The following ANKRD17 variants were observed in gnomAD, a reference collection of about 807,000 sequenced individuals.
ANKRD17 encodes ankyrin repeat domain 17.
ANKRD17 carries 19 observed loss-of-function variants against 229.7 expected under a neutral mutation model. The ratio of observed to expected loss-of-function variants is 0.08; its 90% CI spans 0.06 to 0.12. The LOEUF is 0.12. Ranked by LOEUF, ANKRD17 falls within the 10% of genes least tolerant of loss-of-function variation. The pLI is 1.00. For synonymous variants in ANKRD17, 1,112 were observed against 1,146.1 expected, an observed-to-expected ratio of 0.97 and a Z score of 0.60; for missense variants, 2,176 against 3,176.8, an observed-to-expected ratio of 0.68 and a Z score of 7.57.
chr4:73,123,692 G>C (rs755480740), intron 18 of ANKRD17, among the ~76,000 whole-genome samples: 1 of 151,640 alleles, frequency 6.6e-6, no homozygotes, highest in Non-Finnish European at 1.5e-5. Flanking sequence ...CCATTCTTTT[G>C]TATAGGAATT....
chr4:73,200,770 G>A (rs375035145), intron 1 of ANKRD17, among the ~76,000 whole-genome samples: 16 of 152,000 alleles, frequency 1.1e-4, no homozygotes, highest in East Asian at 3.9e-4. Context: ...TTAAACAAAT[G>A]CTTATCAAAA....
At chr4:73,241,133 G>A (rs1198635493) in intron 1 of ANKRD17, among the ~76,000 whole-genome samples, 1 of 151,966 alleles carries the variant, frequency 6.6e-6, no homozygotes, top group African/African-American at 2.4e-5. Flanking sequence ...TTATAAAGAT[G>A]TATATACTGA....
chr4:73,094,105 C>T lies in ANKRD17; in HGVS notation c.5301G>A (p.Lys1767=), dbSNP rs760800314. ...AHIDIDKQKD[K]TGDRIITIRG... is the part of the protein sequence containing the mutation. The stretch of plus-strand genomic sequence containing the variant: ...TTATAGTGATTATCCGGTCTCCAGT[C>T]TTGTCTTTCTGTTTATCAATATCTA... The change falls in exon 28 of 34, where the codon AAG becomes AAA. Residue 1767 remains lysine, a synonymous_variant. Transcript: ENST00000358602. 2 of 1,613,698 alleles carry T rather than the reference C, an allele frequency of 1.2e-6. No individual in the cohort carries two copies. The highest frequency in any genetic ancestry group is 1.7e-6 in the Non-Finnish European group (2 of 1,179,790).
intron 12 of ANKRD17, 54 bp downstream of exon 12, chr4:73,142,586 G>A (rs1729750413): frequency 9.3e-6 from 15 of 1,612,314 alleles, no homozygotes; most frequent in Non-Finnish European, 1.3e-5. Flanking sequence ...TTGTAACAAT[G>A]ACCAAGAGAG....
chr4:73,198,490 T>C (rs1323674580), intron 1 of ANKRD17, among the ~76,000 whole-genome samples: 1 of 152,168 alleles, frequency 6.6e-6, no homozygotes, highest in Non-Finnish European at 1.5e-5. Context: ...AACTTGTCTA[T>C]ATGGTATGCT....
At chr4:73,211,049 T>C (rs1327389937) in intron 1 of ANKRD17, among the ~76,000 whole-genome samples, 38 of 152,228 alleles carry the variant, frequency 2.5e-4, no homozygotes, top group Non-Finnish European at 8.8e-5. Flanking sequence ...GAAATATCTT[T>C]TACCTAAATA....
At chr4:73,235,585 T>C (rs1012946999) in intron 1 of ANKRD17, among the ~76,000 whole-genome samples, 1 of 152,136 alleles carries the variant, frequency 6.6e-6, no homozygotes, top group Non-Finnish European at 1.5e-5. Context: ...TGAAAAGAAA[T>C]TAAAGGAATG....
Position 73,176,594 on chromosome 4 carries a change from T to C in ANKRD17, c.547+786A>G, listed in dbSNP as rs144105239. 6.3e-3 allele frequency among the ~76,000 whole-genome samples: 951 copies of C among 151,652 alleles called. 4 individuals carry two copies. Among genetic ancestry groups the C allele is most frequent in the South Asian group, 0.011 (55 of 4,798 alleles). On this transcript the variant is annotated intron_variant, in intron 2 of 33. Transcript: ENST00000358602. ...GGGTAGTTGGGGCAGTGGGGATGGT[T>C]AATGAGTATCAAAAAAAAAAAGTTA... is the stretch of plus-strand genomic sequence containing the variant.
intron 1 of ANKRD17, chr4:73,222,880 C>T (rs1468444207): frequency 3.9e-6 from 4 of 1,022,676 alleles, no homozygotes; most frequent in South Asian, 2.8e-5. Flanking sequence ...TCTTTGCTCT[C>T]TCCTCTAATC....
intron 1 of ANKRD17, among the ~76,000 whole-genome samples, chr4:73,188,428 T>C (rs1011980080): frequency 6.6e-6 from 1 of 151,586 alleles, no homozygotes; most frequent in African/African-American, 2.4e-5. Context: ...CTACTAAAAA[T>C]ATAAAAATTA....
intron 1 of ANKRD17, among the ~76,000 whole-genome samples, chr4:73,225,442 AT>A (rs995643397): frequency 6.6e-6 from 1 of 152,034 alleles, no homozygotes; most frequent in African/African-American, 2.4e-5. Context: ...GTTTTCTGAC[AT>A]TTACTGTTGT....
rs964734607 is a variant in ANKRD17, at chr4:73,136,748, TAG to T, written c.3086-1485_3086-1484del. Among the ~76,000 whole-genome samples the T allele has an allele frequency of 3.9e-5, 6 of 152,116 alleles. 1 individual carries two copies. Among genetic ancestry groups the T allele is most frequent in the Admixed American group, 2.0e-4 (3 of 15,270 alleles). Reference sequence around the variant, plus strand: ...ATACATTTCAAAATCATATAAAATCTAGAGCTCTTTAAATTGATTCCATATCT... The same window carrying T: ...ATACATTTCAAAATCATATAAAATCTAGCTCTTTAAATTGATTCCATATCT... On this transcript the variant is annotated intron_variant, in intron 15 of 33. Coordinates refer to ENST00000358602, the MANE Select transcript of ANKRD17 (RefSeq NM_032217.5).
chr4:73,220,978 T>C (rs1326945003), intron 1 of ANKRD17, among the ~76,000 whole-genome samples: 1 of 152,150 alleles, frequency 6.6e-6, no homozygotes, highest in African/African-American at 2.4e-5. Flanking sequence ...ACTTGCAATA[T>C]GAGGTGCTTT....
intron 1 of ANKRD17, among the ~76,000 whole-genome samples, chr4:73,194,431 A>G (rs1737561644): frequency 1.3e-5 from 2 of 152,220 alleles, no homozygotes; most frequent in Admixed American, 1.3e-4. Context: ...ATCCATTAAT[A>G]TATGTGCCAC....
At chr4:73,151,905 G>A (rs1334959149) in intron 6 of ANKRD17, among the ~76,000 whole-genome samples, 1 of 152,108 alleles carries the variant, frequency 6.6e-6, no homozygotes, top group Admixed American at 6.6e-5. Flanking sequence ...GATCAGTCAA[G>A]TTATTTCTGT....
At chr4:73,246,298 T>C (rs998793511) in intron 1 of ANKRD17, among the ~76,000 whole-genome samples, 5 of 152,318 alleles carry the variant, frequency 3.3e-5, no homozygotes, top group African/African-American at 9.6e-5. Context: ...GTTTTCATTA[T>C]GATTATCCTA....
chr4:73,145,982 G>A (rs936441773), intron 10 of ANKRD17, among the ~76,000 whole-genome samples: 5 of 152,008 alleles, frequency 3.3e-5, no homozygotes, highest in Admixed American at 2.0e-4. Context: ...TTAGAATCTC[G>A]GGGCCATAAA....
chr4:73,111,745 G>A (rs1034903291), intron 24 of ANKRD17, among the ~76,000 whole-genome samples: 1 of 152,088 alleles, frequency 6.6e-6, no homozygotes, highest in Non-Finnish European at 1.5e-5. Flanking sequence ...TAAGAGAGGG[G>A]AAAGCAAGTA....
chr4:73,244,095 T>C (rs150519862), intron 1 of ANKRD17, among the ~76,000 whole-genome samples: 142 of 152,272 alleles, frequency 9.3e-4, no homozygotes, highest in African/African-American at 3.2e-3. Flanking sequence ...TGTGGGCATG[T>C]ATCTCCGGTG....
Sources: gnomAD v4.1 joint callset for allele counts (sites outside exome capture counted in the v4.1 genomes callset) on GRCh38, gnomAD v4.1.1 for gene constraint, MANE v1.5 for transcripts, NCBI Gene and HGNC (gene_info 2026-07-23, HGNC 2026-07-21) for gene names.